Variants in GIPR observed in about 807,000 individuals in gnomAD.
GIPR encodes gastric inhibitory polypeptide receptor.
A neutral mutation model predicts 62.2 loss-of-function variants in GIPR; 74 were observed. That is an observed-to-expected ratio of 1.19 (90% CI 0.99 to 1.44). The LOEUF (loss-of-function observed/expected upper bound fraction) is 1.44. GIPR is among the 40% of genes most tolerant of loss of function. The pLI, the probability that GIPR is intolerant of heterozygous loss-of-function variation, is 0.00. For missense variants in GIPR, 664 were observed against 611.8 expected (o/e 1.09, Z -0.90); for synonymous variants, 256 against 262.2 (o/e 0.98, Z 0.23).
chr19:45,676,128 G>A (rs888823795), intron 7 of GIPR, among the ~76,000 whole-genome samples: 1 of 151,238 alleles, frequency 6.6e-6, no homozygotes, highest in Non-Finnish European at 1.5e-5. Flanking sequence ...ACTTGAACCT[G>A]GGAGGCAGAG....
At chr19:45,672,783 C>A (rs1975609709) in intron 4 of GIPR, 68 bp from the exon 5 acceptor site, 1 of 911,836 alleles carries the variant, frequency 1.1e-6, no homozygotes, top group Non-Finnish European at 1.8e-6. Flanking sequence ...GTTATTGTCT[C>A]ACAGTTTGTC....
At chr19:45,672,209 T>C (rs969911691) in intron 4 of GIPR, among the ~76,000 whole-genome samples, 2 of 145,346 alleles carry the variant, frequency 1.4e-5, no homozygotes, top group African/African-American at 5.2e-5. Context: ...AGTGACAGAG[T>C]CTTGCCATGT....
chr19:45,670,975 G>T (rs972356981), intron 3 of GIPR, among the ~76,000 whole-genome samples: 2 of 152,006 alleles, frequency 1.3e-5, no homozygotes, highest in Non-Finnish European at 2.9e-5. Context: ...AACCTTGAAG[G>T]GGGCGGGGTT....
At chr19:45,681,091 G>C (rs1368494173) in intron 12 of GIPR, among the ~76,000 whole-genome samples, 1 of 152,142 alleles carries the variant, frequency 6.6e-6, no homozygotes, top group Non-Finnish European at 1.5e-5. Context: ...CAGTGGGGTT[G>C]GTGTGGGGGA....
Position 45,669,485 on chromosome 19 carries a change from GC to G in GIPR, c.-32del. 6.4e-7 allele frequency: 1 copy of G among 1,554,698 alleles called. No individual in the cohort carries two copies. On this transcript the variant is annotated 5_prime_UTR_variant, in exon 2 of 14. Coordinates refer to ENST00000590918, the MANE Select transcript of GIPR (RefSeq NM_000164.4). ...GCCCTGGGACCCTCCAGGCCTGATC[GC>G]CCCTGCACGAACCAGACCCTTCGCC...
rs1315581632 is a variant in GIPR at position 45,683,596 on chromosome 19, A to G, written c.*1661A>G. On this transcript the variant is annotated 3_prime_UTR_variant, in exon 14 of 14. Coordinates refer to ENST00000590918, the MANE Select transcript of GIPR (RefSeq NM_000164.4). ...GTGGCTCCCTGGACCGACATGCCCC[A>G]AAGCTGAACTCAGCCTTTTCAAGCT... 1 of 152,274 alleles carries G rather than the reference A, an allele frequency of 6.6e-6. No individual in the cohort carries two copies. The highest frequency in any genetic ancestry group is 1.5e-5 in the Non-Finnish European group (1 of 68,090). 9.4% of individuals were successfully genotyped at this position (152,274 alleles called of 1,614,324 possible).
chr19:45,674,652 G>A, intron 6 of GIPR, 30 bp from the exon 7 acceptor site: 1 of 1,612,056 alleles, frequency 6.2e-7, no homozygotes, highest in Non-Finnish European at 8.5e-7. Context: ...CTCTCCAGGG[G>A]CCCCCACACT....
chr19:45,676,800 A>G, intron 7 of GIPR, 149 bp from the exon 8 acceptor site: 1 of 745,976 alleles, frequency 1.3e-6, no homozygotes, highest in South Asian at 1.5e-5. Context: ...GGGTGAGAGA[A>G]ACCAATCACA....
intron 12 of GIPR, among the ~76,000 whole-genome samples, chr19:45,681,374 A>C (rs983599635): frequency 6.6e-6 from 1 of 152,184 alleles, no homozygotes; most frequent in Non-Finnish European, 1.5e-5. Flanking sequence ...GGGCGCCTGT[A>C]ATCCCAGCTA....
rs137972057 is a variant in GIPR, at chr19:45,674,470, T to G, written c.489-212T>G. Reference sequence around the variant, plus strand: ...GACAAATAAAATTAGCTAGGCATACTGGTGGTGCACCTGTGGTACCAGCTA... The same window carrying G: ...GACAAATAAAATTAGCTAGGCATACGGGTGGTGCACCTGTGGTACCAGCTA... On this transcript the variant is annotated intron_variant, in intron 6 of 13. Coordinates refer to ENST00000590918, the MANE Select transcript of GIPR (RefSeq NM_000164.4). The G allele has an allele frequency of 0.013, 8,111 of 632,820 alleles. 687 individuals carry two copies. In the Admixed American group the frequency reaches 0.16, roughly 13 times the overall value. 39.2% of individuals were successfully genotyped at this position (632,820 alleles called of 1,614,324 possible).
chr19:45,676,536 C>A (rs891615328), intron 7 of GIPR, among the ~76,000 whole-genome samples: 3 of 144,336 alleles, frequency 2.1e-5, no homozygotes, highest in Admixed American at 1.5e-4. Context: ...CGGGTTCAAG[C>A]GATTCTCCTG....
chr19:45,677,914 C>A lies in GIPR; in HGVS notation c.933C>A (p.Phe311Leu). Residue 311 changes from phenylalanine to leucine, a missense_variant, in exon 11 of 14, where the codon TTC becomes TTA. By Grantham distance (22) the Phe-to-Leu change is conservative (BLOSUM62 0). Transcript: ENST00000590918. ...CTTATCTCTCCCCACAGATTAATTT[C>A]CTCATTTTTATCCGCATTCTTGGCA... ...TPILMTILIN[F>L]LIFIRILGIL... is the part of the protein sequence containing the mutation. The A allele has an allele frequency of 1.9e-6, 3 of 1,613,928 alleles. No homozygotes were observed. Among genetic ancestry groups the A allele is most frequent in the Non-Finnish European group, 2.5e-6 (3 of 1,179,862 alleles).
intron 1 of GIPR, 123 bp from the exon 2 acceptor site, chr19:45,669,354 T>G (rs1185239267): frequency 1.1e-6 from 1 of 941,270 alleles, no homozygotes; most frequent in East Asian, 2.7e-5. Context: ...GTGCGCTGCC[T>G]CGGAGTCCCG....
intron 4 of GIPR, chr19:45,672,517 G>C (rs1266202175): frequency 3.1e-5 from 11 of 349,272 alleles, no homozygotes; most frequent in Non-Finnish European, 6.2e-5. Context: ...ATGTTGGCCA[G>C]GATGGTCTCG....
intron 4 of GIPR, 174 bp from the exon 5 acceptor site, chr19:45,672,677 T>C: frequency 1.6e-6 from 1 of 630,144 alleles, no homozygotes; most frequent in South Asian, 1.7e-5. Flanking sequence ...TGGGCTAGTA[T>C]GAATATTAAA....
In GIPR at chr19:45,678,004, T is replaced by C; in HGVS notation, c.1013+10T>C. 1.2e-6 allele frequency: 2 copies of C among 1,613,362 alleles called. No homozygotes were observed. The highest frequency in any genetic ancestry group is 1.7e-6 in the Non-Finnish European group (2 of 1,180,020). On this transcript the variant is annotated intron_variant, in intron 11 of 13. Transcript: ENST00000590918. ...GGGATTACCGGCTGAGGTGAGGGCA[T>C]GCGTTGGGGACCGAGGGGAAGGGGC...
Position 45,674,147 on chromosome 19 carries a change from T to C in GIPR, c.458T>C (p.Leu153Pro). 1 of 1,613,218 alleles carries C rather than the reference T, an allele frequency of 6.2e-7. No individual in the cohort carries two copies. ...VGYSLSLATL[L>P]LALLILSLFR... Reference sequence around the variant, plus strand: ...TACTCCCTGTCTCTCGCCACACTGCTGCTAGCCCTGCTCATCTTGAGTTTG... The same window carrying C: ...TACTCCCTGTCTCTCGCCACACTGCCGCTAGCCCTGCTCATCTTGAGTTTG... Residue 153 changes from leucine (L) to proline (P), a missense_variant, in exon 6 of 14, where the codon CTG (leucine) becomes CCG (proline). By Grantham distance (98) the Leu-to-Pro change is moderately conservative (BLOSUM62 -3). Coordinates refer to ENST00000590918, the MANE Select transcript of GIPR (RefSeq NM_000164.4).
intron 7 of GIPR, 113 bp from the exon 8 acceptor site, chr19:45,676,836 T>C: frequency 2.2e-6 from 2 of 926,506 alleles, no homozygotes; most frequent in South Asian, 1.3e-5. Flanking sequence ...GGACACAGAG[T>C]GGAAGAACCT....
chr19:45,678,156 C>G lies in GIPR; in HGVS notation c.1082C>G (p.Thr361Arg), dbSNP rs1241059563. The change falls in exon 12 of 14, where the codon ACA becomes AGA. Residue 361 changes from threonine (T) to arginine (R), a missense_variant. Thr to Arg is a moderately conservative substitution (Grantham distance 71). Coordinates refer to ENST00000590918, the MANE Select transcript of GIPR (RefSeq NM_000164.4). ...GVHEVVFAPV[T>R]EEQARGALRF... is the part of the protein sequence containing the mutation. Reference sequence around the variant, plus strand: ...CACGAGGTGGTGTTTGCTCCCGTGACAGAGGAACAGGCCCGGGGCGCCCTG... The same window carrying G: ...CACGAGGTGGTGTTTGCTCCCGTGAGAGAGGAACAGGCCCGGGGCGCCCTG... 6.2e-7 allele frequency: 1 copy of G among 1,609,374 alleles called. No individual in the cohort carries two copies. Among genetic ancestry groups the G allele is most frequent in the Non-Finnish European group, 8.5e-7 (1 of 1,178,482 alleles).
Sources: gnomAD v4.1 joint callset for allele counts (sites outside exome capture counted in the v4.1 genomes callset) on GRCh38, gnomAD v4.1.1 for gene constraint, MANE v1.5 for transcripts, NCBI Gene and HGNC (gene_info 2026-07-23, HGNC 2026-07-21) for gene names.